Variants in NOMO1 observed in about 807,000 individuals in gnomAD.
The protein encoded by NOMO1 is nodal modulator 3.
In NOMO1, 40 loss-of-function variants were observed where a neutral mutation model predicts 133.8. The ratio of observed to expected loss-of-function variants is 0.30; its 90% CI spans 0.23 to 0.39. NOMO1 has a LOEUF of 0.39. Among genes scored for constraint, NOMO1 ranks in the 10% least tolerant of loss-of-function variants. The pLI, the probability that NOMO1 is intolerant of heterozygous loss-of-function variation, is 1.00. For missense variants in NOMO1, 462 were observed against 1,419.9 expected, an observed-to-expected ratio of 0.33 and a Z score of 10.84; for synonymous variants, 236 against 570.5, an observed-to-expected ratio of 0.41 and a Z score of 8.36.
At chr16:14,879,421 C>T (rs1188498687) in intron 23 of NOMO1, among the ~76,000 whole-genome samples, 4 of 151,246 alleles carry the variant, frequency 2.6e-5, no homozygotes, top group South Asian at 4.2e-4. Context: ...AGGCAAGTTA[C>T]TTTGCCTCTC....
At chr16:14,856,188 A>C (rs1202665865) in intron 9 of NOMO1, among the ~76,000 whole-genome samples, 3 of 151,994 alleles carry the variant, frequency 2.0e-5, no homozygotes, top group Non-Finnish European at 4.4e-5. Context: ...GAGGGAGACA[A>C]CTAAGAAATC....
chr16:14,879,143 C>T lies in NOMO1; in HGVS notation c.2757+309C>T, dbSNP rs150969946. On this transcript the variant is annotated intron_variant, in intron 23 of 30. Transcript: ENST00000287667. ...CTTCTCGTTTTGCCACGGAATCATGCTTATGATGCTGAGTCTTGTTTGGTG... is the reference window on the plus strand; with the variant it reads ...CTTCTCGTTTTGCCACGGAATCATGTTTATGATGCTGAGTCTTGTTTGGTG... 5.9e-4 allele frequency among the ~76,000 whole-genome samples: 90 copies of T among 151,926 alleles called. 1 individual carries two copies. In the East Asian group the frequency reaches 0.017, roughly 29 times the overall value.
chr16:14,879,801 G>T (rs1964216155), intron 23 of NOMO1, among the ~76,000 whole-genome samples: 3 of 150,250 alleles, frequency 2.0e-5, no homozygotes, highest in Admixed American at 6.6e-5. Context: ...CTGAGTCATT[G>T]CAGGCAGGTG....
chr16:14,883,101 T>C (rs1414984127), intron 26 of NOMO1, among the ~76,000 whole-genome samples: 1 of 151,986 alleles, frequency 6.6e-6, no homozygotes, highest in African/African-American at 2.4e-5. Flanking sequence ...CTCAAGATCA[T>C]GACCTAGCTA....
chr16:14,885,214 T>A (rs1964306240), intron 27 of NOMO1, among the ~76,000 whole-genome samples: 1 of 151,966 alleles, frequency 6.6e-6, no homozygotes, highest in Non-Finnish European at 1.5e-5. Context: ...AACATGAGAT[T>A]TGGGCAGGGA....
In NOMO1 at chr16:14,886,976, G is replaced by C. The variant is rs536366347; in HGVS notation, c.3324+114G>C. The C allele has an allele frequency of 3.4e-6, 5 of 1,452,048 alleles. No homozygotes were observed. In the Admixed American group the frequency reaches 9.3e-5, roughly 27 times the overall value. 89.9% of individuals were successfully genotyped at this position (1,452,048 alleles called of 1,614,324 possible). A position where few individuals can be genotyped will look rare whatever the true frequency, so the allele number is the denominator to read the frequency against. On this transcript the variant is annotated intron_variant, in intron 28 of 30. Coordinates refer to ENST00000287667, the MANE Select transcript of NOMO1 (RefSeq NM_014287.4). ...CCTAAATACCACTCTGCAGAAATACGCTCTCTGAATCAAAAGAGGTTGGGT... is the reference window on the plus strand; with the variant it reads ...CCTAAATACCACTCTGCAGAAATACCCTCTCTGAATCAAAAGAGGTTGGGT...
chr16:14,870,399 G>C (rs1964064731), intron 16 of NOMO1, among the ~76,000 whole-genome samples: 1 of 151,654 alleles, frequency 6.6e-6, no homozygotes, highest in Non-Finnish European at 1.5e-5. Flanking sequence ...CCTCCAGTAA[G>C]CTACTTGTCT....
Position 14,879,033 on chromosome 16 carries a change from C to A in NOMO1, c.2757+199C>A, listed in dbSNP as rs200723431. ...CTGCTGATTCATGTTCCCTTCCACA[C>A]GCGCTTCTTGTTTTCTGATCACCCA... On this transcript the variant is annotated intron_variant, in intron 23 of 30. Transcript: ENST00000287667. 2.5e-4 allele frequency among the ~76,000 whole-genome samples: 38 copies of A among 152,018 alleles called. No individual in the cohort carries two copies. The East Asian group carries it at 6.9e-3, about 28-fold the overall frequency.
intron 1 of NOMO1, among the ~76,000 whole-genome samples, chr16:14,837,155 C>T (rs1037543421): frequency 1.3e-5 from 2 of 152,038 alleles, no homozygotes; most frequent in Admixed American, 1.3e-4. Context: ...GTAGCTGAGG[C>T]TACAGGCACG....
At chr16:14,843,038 C>A (rs924263932) in intron 3 of NOMO1, among the ~76,000 whole-genome samples, 1 of 136,394 alleles carries the variant, frequency 7.3e-6, no homozygotes, top group African/African-American at 2.7e-5. Context: ...GTGCCTCAGC[C>A]TCCTCAGTAG....
chr16:14,841,651 ACT>A (rs1963605364), intron 3 of NOMO1, among the ~76,000 whole-genome samples: 1 of 147,394 alleles, frequency 6.8e-6, no homozygotes, highest in African/African-American at 2.5e-5. Flanking sequence ...CTTTCTGGAA[ACT>A]CTTCCCTTGC....
chr16:14,839,034 G>A (rs1963564013), intron 2 of NOMO1, among the ~76,000 whole-genome samples: 1 of 151,768 alleles, frequency 6.6e-6, no homozygotes, highest in Non-Finnish European at 1.5e-5. Flanking sequence ...TTGATAATCT[G>A]ATAAAGGGTT....
At chr16:14,894,976 A>T (rs371618357) in intron 29 of NOMO1, 22 bp from the exon 30 acceptor site, 1 of 1,611,684 alleles carries the variant, frequency 6.2e-7, no homozygotes, top group African/African-American at 1.3e-5. Flanking sequence ...GTGAGGAGTG[A>T]TGGGGCTCTC....
intron 6 of NOMO1, among the ~76,000 whole-genome samples, chr16:14,850,440 T>C (rs1963741304): frequency 6.6e-6 from 1 of 151,360 alleles, no homozygotes; most frequent in African/African-American, 2.4e-5. Context: ...AAGTGTTCTT[T>C]AGCATATCTT....
chr16:14,873,742 G>T (rs566476092), intron 18 of NOMO1, among the ~76,000 whole-genome samples: 11 of 151,702 alleles, frequency 7.3e-5, no homozygotes, highest in Non-Finnish European at 1.0e-4. Context: ...TGCTTGTGCC[G>T]GAGGTTGTAT....
intron 16 of NOMO1, among the ~76,000 whole-genome samples, chr16:14,871,047 G>A (rs1351384523): frequency 4.7e-5 from 7 of 148,870 alleles, no homozygotes; most frequent in Non-Finnish European, 7.5e-5. Flanking sequence ...CAAAATATTG[G>A]TTAATGATGA....
chr16:14,883,428 G>A (rs1462668171), intron 26 of NOMO1, among the ~76,000 whole-genome samples: 1 of 149,270 alleles, frequency 6.7e-6, no homozygotes, highest in Non-Finnish European at 1.5e-5. Flanking sequence ...CCTCCTCCTT[G>A]TGGGTTCAAG....
intron 18 of NOMO1, among the ~76,000 whole-genome samples, chr16:14,874,202 TATC>T (rs1258190234): frequency 6.6e-6 from 1 of 151,872 alleles, no homozygotes; most frequent in African/African-American, 2.4e-5. Context: ...CGATTTCTTT[TATC>T]ATACCATTCC....
intron 1 of NOMO1, among the ~76,000 whole-genome samples, chr16:14,835,931 A>G (rs1239800277): frequency 1.3e-5 from 2 of 152,086 alleles, no homozygotes; most frequent in South Asian, 4.2e-4. Context: ...ATAGCAGTAC[A>G]GTGAACAGAA....
Sources: allele counts gnomAD v4.1 joint callset (sites outside exome capture counted in the v4.1 genomes callset), GRCh38; gene constraint gnomAD v4.1.1; transcripts MANE v1.5; gene names NCBI Gene and HGNC (gene_info 2026-07-23, HGNC 2026-07-21).